Variants in ANPEP observed in about 807,000 individuals in gnomAD.
ANPEP encodes aminopeptidase N.
In ANPEP, 70 loss-of-function variants were observed where a neutral mutation model predicts 114.6. That is an observed-to-expected ratio of 0.61 (90% CI 0.50 to 0.75). ANPEP has a LOEUF of 0.75. Ranked by LOEUF, ANPEP falls within the 30% of genes least tolerant of loss-of-function variation. ANPEP has a pLI of 0.00. For synonymous variants in ANPEP, 548 were observed against 522.3 expected, an observed-to-expected ratio of 1.05 and a Z score of -0.67; for missense variants, 1,184 against 1,259.5, an observed-to-expected ratio of 0.94 and a Z score of 0.91.
rs137988159 is a variant in ANPEP, at chr15:89,801,572, G to T, written c.1605C>A (p.Thr535=). The T allele has an allele frequency of 1.1e-5, 18 of 1,614,082 alleles. No individual in the cohort carries two copies. Among genetic ancestry groups the T allele is most frequent in the Non-Finnish European group, 1.5e-5 (18 of 1,179,936 alleles). ...VNNRSIQLPT[T]VRDIMNRWTL... The stretch of plus-strand genomic sequence containing the variant: ...TCCAGCGGTTCATGATGTCCCGCAC[G>T]GTGGTGGGGAGTTGGATGGACCGGT... The change falls in exon 11 of 21, where the codon ACC becomes ACA. Residue 535 remains threonine, a synonymous_variant. Coordinates refer to ENST00000300060, the MANE Select transcript of ANPEP (RefSeq NM_001150.3).
At position 89,785,108 on chromosome 15, in the gene ANPEP, G is replaced by T. The variant is rs1968481816; in HGVS notation, c.*241C>A. On this transcript the variant is annotated 3_prime_UTR_variant, in exon 21 of 21. Coordinates refer to ENST00000300060, the MANE Select transcript of ANPEP (RefSeq NM_001150.3). ...TCAGCCCCAGGGCACTGGGCGACAG[G>T]TGCCATGCCAGGCCTAGGGCGGGGT... 1 of 506,862 alleles carries T rather than the reference G, an allele frequency of 2.0e-6. No homozygotes were observed. Among genetic ancestry groups the T allele is most frequent in the African/African-American group, 1.9e-5 (1 of 51,894 alleles). The allele number at this position is 506,862 out of a possible 1,614,324, so 31.4% of individuals were successfully genotyped here.
chr15:89,796,662 TA>T (rs1305456924), intron 15 of ANPEP, among the ~76,000 whole-genome samples: 1 of 148,540 alleles, frequency 6.7e-6, no homozygotes, highest in Non-Finnish European at 1.5e-5. Flanking sequence ...TAATTTTTTG[TA>T]TTTTTTTTTT....
chr15:89,801,297 G>GA (rs1297451262), intron 11 of ANPEP, 110 bp from the exon 12 acceptor site: 1 of 1,543,976 alleles, frequency 6.5e-7, no homozygotes, highest in African/African-American at 1.4e-5. Flanking sequence ...GAGTGCCCCT[G>GA]AACTCCTGGC....
At chr15:89,812,876 G>A (rs927102122) in intron 1 of ANPEP, among the ~76,000 whole-genome samples, 1 of 152,144 alleles carries the variant, frequency 6.6e-6, no homozygotes, top group African/African-American at 2.4e-5. Flanking sequence ...GCCGTGCCAA[G>A]GGGAGTTGAA....
In ANPEP at chr15:89,803,473, A is replaced by AG. The variant is rs747734180; in HGVS notation, c.1471dup (p.Leu491ProfsTer79). 6.2e-7 allele frequency: 1 copy of AG among 1,606,332 alleles called. No individual in the cohort carries two copies. The highest frequency in any genetic ancestry group is 1.1e-5 in the South Asian group (1 of 90,328). On this transcript the variant is annotated frameshift_variant, in exon 9 of 21. Coordinates refer to ENST00000300060, the MANE Select transcript of ANPEP (RefSeq NM_001150.3). LOFTEE classifies it high-confidence loss of function. The surrounding 1 kb of genome is among the most constrained non-coding windows in gnomAD (Gnocchi z 4.2). ...GCCCTGCTTGAATACGTCCTCGGAC[A>AG]GGAAGCTGGAGAGCATCCTGAGGAC...
At chr15:89,790,082 AAATAAAAG>A (rs1968590136) in intron 20 of ANPEP, among the ~76,000 whole-genome samples, 1 of 84,438 alleles carries the variant, frequency 1.2e-5, no homozygotes, top group Non-Finnish European at 2.8e-5. Context: ...AAAATAAAAA[AAATAAAAG>A]AATGCGTTTA....
chr15:89,797,748 T>C, intron 14 of ANPEP, 26 bp from the exon 15 acceptor site: 1 of 1,613,238 alleles, frequency 6.2e-7, no homozygotes, highest in East Asian at 2.2e-5. Context: ...GGGGCCCAAG[T>C]AAAGCACCTC....
At chr15:89,797,035 C>T (rs1172043114) in intron 15 of ANPEP, among the ~76,000 whole-genome samples, 3 of 152,214 alleles carry the variant, frequency 2.0e-5, no homozygotes, top group African/African-American at 7.2e-5. Context: ...GCGGGAGCCT[C>T]AGCCCTCAAA....
At chr15:89,797,022 C>G (rs939833703) in intron 15 of ANPEP, among the ~76,000 whole-genome samples, 1 of 152,184 alleles carries the variant, frequency 6.6e-6, no homozygotes, top group African/African-American at 2.4e-5. Context: ...TTTGGTCTCC[C>G]AAGCGGGAGC....
chr15:89,804,501 G>C lies in ANPEP; in HGVS notation c.1014C>G (p.Leu338=), dbSNP rs912918849. 4 of 1,614,116 alleles carry C rather than the reference G, an allele frequency of 2.5e-6. No individual in the cohort carries two copies. Among genetic ancestry groups the C allele is most frequent in the Non-Finnish European group, 3.4e-6 (4 of 1,180,046 alleles). The change falls in exon 5 of 21, where the codon CTC becomes CTG. Residue 338 remains leucine (L), a synonymous_variant. Transcript: ENST00000300060. ...FAGHYDTPYP[L]PKSDQIGLPD... is the part of the protein sequence containing the mutation. ...AGGACCCCCACTCACCTGATTTTGG[G>C]AGTGGGTAGGGTGTGTCATAATGAC...
Position 89,791,202 on chromosome 15 carries a change from C to T in ANPEP, c.2529-109G>A, listed in dbSNP as rs567076190. ...TGCCTGCATCCTCTCAACATCCCCT[C>T]GGCCTGCCAGGGGCTGAGGGACCCC... On this transcript the variant is annotated intron_variant, in intron 18 of 20. Transcript: ENST00000300060. 24 of 1,316,322 alleles carry T rather than the reference C, an allele frequency of 1.8e-5. No individual in the cohort carries two copies. The South Asian group carries it at 2.3e-4, about 12-fold the overall frequency. The allele number at this position is 1,316,322 out of a possible 1,614,324, so 81.5% of individuals were successfully genotyped here. A position where few individuals can be genotyped will look rare whatever the true frequency, so the allele number is the denominator to read the frequency against.
In ANPEP at chr15:89,803,392, G is replaced by A; in HGVS notation, c.1503+50C>T. The A allele has an allele frequency of 6.2e-7, 1 of 1,612,844 alleles. No individual in the cohort carries two copies. The highest frequency in any genetic ancestry group is 2.2e-5 in the East Asian group (1 of 44,862). On this transcript the variant is annotated intron_variant, in intron 9 of 20. Coordinates refer to ENST00000300060, the MANE Select transcript of ANPEP (RefSeq NM_001150.3). This position sits in a 1 kb window ranked among gnomAD's most constrained non-coding sequence, Gnocchi z 4.2. ...GGGCAGAGGCCCGGGTCAAGGGCGA[G>A]GGGCAGAAGGAGACCCACCCTCATG...
chr15:89,790,207 CCTGGG>C, intron 20 of ANPEP, among the ~76,000 whole-genome samples: 1 of 152,108 alleles, frequency 6.6e-6, no homozygotes, highest in Non-Finnish European at 1.5e-5. Flanking sequence ...AATTGTTGAA[CCTGGG>C]TAACGGGTAC....
chr15:89,802,942 AC>A (rs1894625924), intron 10 of ANPEP, among the ~76,000 whole-genome samples: 1 of 151,972 alleles, frequency 6.6e-6, no homozygotes, highest in Non-Finnish European at 1.5e-5. Flanking sequence ...AGAGGCGGGA[AC>A]CATGAGGGCA....
chr15:89,785,376 G>A lies in ANPEP; in HGVS notation c.2877C>T (p.Leu959=), dbSNP rs1201905461. The stretch of plus-strand genomic sequence containing the variant: ...ATTTGCTGTTTTCTGTGAACCACTG[G>A]AGCACCACCTCCTTGTTCTCCTTCA... ...KWVKENKEVV[L]QWFTENSK is the part of the protein sequence containing the mutation. The change falls in exon 21 of 21, where the codon CTC becomes CTT. Residue 959 remains leucine, a synonymous_variant. Transcript: ENST00000300060. 1.9e-6 allele frequency: 3 copies of A among 1,614,204 alleles called. No homozygotes were observed. The highest frequency in any genetic ancestry group is 2.5e-6 in the Non-Finnish European group (3 of 1,180,046).
intron 20 of ANPEP, 126 bp downstream of exon 20, chr15:89,790,334 G>A (rs8192300): frequency 0.31 from 233,955 of 765,334 alleles, 36,615 homozygotes; most frequent in African/African-American, 0.35. Flanking sequence ...GGCTTCCTCT[G>A]TAAATGAGGA....
intron 14 of ANPEP, 145 bp from the exon 15 acceptor site, chr15:89,797,867 C>G: frequency 8.7e-7 from 1 of 1,144,768 alleles, no homozygotes; most frequent in East Asian, 2.5e-5. Flanking sequence ...AGATTCCCAA[C>G]TGAGCCAGCT....
At chr15:89,800,974 G>A in intron 12 of ANPEP, 137 bp downstream of exon 12, 1 of 715,342 alleles carries the variant, frequency 1.4e-6, no homozygotes, top group Non-Finnish European at 2.4e-6. Flanking sequence ...CAGCGAAGCA[G>A]CAGCAAAGTG....
rs750682257 is a variant in ANPEP at position 89,806,000 on chromosome 15, C to A, written c.584G>T (p.Arg195Leu). Residue 195 changes from arginine to leucine, a missense_variant, in exon 2 of 21, where the codon CGC becomes CTC. Transcript: ENST00000300060. ...ELADDLAGFY[R>L]SEYMEGNVRK... ...GACATTGCCCTCCATGTACTCGCTG[C>A]GGTAGAAGCCCGCCAGGTCATCTGC... 1.2e-6 allele frequency: 2 copies of A among 1,602,846 alleles called. No individual in the cohort carries two copies. Among genetic ancestry groups the A allele is most frequent in the South Asian group, 1.1e-5 (1 of 90,098 alleles).
Sources: allele counts gnomAD v4.1 joint callset (sites outside exome capture counted in the v4.1 genomes callset), GRCh38; gene constraint gnomAD v4.1.1; non-coding constraint Gnocchi (gnomAD v3.1); transcripts MANE v1.5; gene names NCBI Gene and HGNC (gene_info 2026-07-23, HGNC 2026-07-21).